CNTNAP2: variants seen among roughly 807,000 people sequenced by gnomAD.
CNTNAP2 encodes the protein contactin associated protein 2.
CNTNAP2 carries 98 observed loss-of-function variants against 155.2 expected under a neutral mutation model. The ratio of observed to expected loss-of-function variants is 0.63; its 90% CI spans 0.54 to 0.75. The LOEUF (loss-of-function observed/expected upper bound fraction) is 0.75. Among genes scored for constraint, CNTNAP2 ranks in the 30% least tolerant of loss-of-function variants. CNTNAP2 has a pLI of 0.00. For synonymous variants in CNTNAP2, 651 were observed against 631.2 expected (o/e 1.03, Z -0.47); for missense variants, 1,727 against 1,688.1 (o/e 1.02, Z -0.40).
At chr7:148,116,879 A>T (rs1804486003) in intron 15 of CNTNAP2, among the ~76,000 whole-genome samples, 2 of 152,226 alleles carry the variant, frequency 1.3e-5, no homozygotes, top group South Asian at 4.1e-4. Context: ...AAGATATAGC[A>T]AATACCGTGT....
At chr7:146,731,092 G>A (rs193110908) in intron 1 of CNTNAP2, among the ~76,000 whole-genome samples, 148 of 152,272 alleles carry the variant, frequency 9.7e-4, no homozygotes, top group African/African-American at 3.4e-3. Flanking sequence ...TGAGCATTGA[G>A]CAAGTTAAAT....
At chr7:147,984,615 GAAACATCC>G (rs1801585360) in intron 15 of CNTNAP2, among the ~76,000 whole-genome samples, 1 of 152,018 alleles carries the variant, frequency 6.6e-6, no homozygotes, top group African/African-American at 2.4e-5. Context: ...GGGGTCTAGG[GAAACATCC>G]CTATTGCCCT....
At chr7:146,534,129 G>A (rs1335162663) in intron 1 of CNTNAP2, among the ~76,000 whole-genome samples, 2 of 152,014 alleles carry the variant, frequency 1.3e-5, no homozygotes, top group African/African-American at 2.4e-5. Context: ...GCATTTGAAA[G>A]CCTTCTGATA....
At chr7:147,575,106 A>AAT (rs761989826) in intron 12 of CNTNAP2, among the ~76,000 whole-genome samples, 35,485 of 107,988 alleles carry the variant, frequency 0.33, 5,801 homozygotes, top group African/African-American at 0.4. Flanking sequence ...CTTTGTGGGA[A>AAT]ATGTGTGTGT....
chr7:146,602,645 TA>T (rs1299175058), intron 1 of CNTNAP2, among the ~76,000 whole-genome samples: 1 of 152,216 alleles, frequency 6.6e-6, no homozygotes, highest in Non-Finnish European at 1.5e-5. Context: ...TGATACTAGT[TA>T]AAATTAAATT....
chr7:146,425,110 A>G (rs541811669), intron 1 of CNTNAP2, among the ~76,000 whole-genome samples: 2 of 152,328 alleles, frequency 1.3e-5, no homozygotes, highest in South Asian at 4.1e-4. Flanking sequence ...ACTAACAAAC[A>G]AGAAACAGAA....
At chr7:146,998,902 T>C (rs555468451) in intron 3 of CNTNAP2, among the ~76,000 whole-genome samples, 522 of 152,064 alleles carry the variant, frequency 3.4e-3, no homozygotes, top group Admixed American at 8.6e-3. Flanking sequence ...TGTGAAACTG[T>C]CTCTTGTAGT....
chr7:146,245,434 A>T (rs1383792403), intron 1 of CNTNAP2, among the ~76,000 whole-genome samples: 1 of 152,166 alleles, frequency 6.6e-6, no homozygotes, highest in Non-Finnish European at 1.5e-5. Context: ...TGTGATTTTG[A>T]GGGCCTCTAA....
chr7:148,365,919 T>C lies in CNTNAP2; in HGVS notation c.3476-17730T>C, dbSNP rs372834142. On this transcript the variant is annotated intron_variant, in intron 21 of 23. Transcript: ENST00000361727. ...ATGCATGTATACATGCGTGTATGCA[T>C]GTATACATGCGTGTATGCATGTATA... Among the ~76,000 whole-genome samples the C allele has an allele frequency of 8.8e-4, 4 of 4,550 alleles. 2 individuals are homozygous for C. The highest frequency in any genetic ancestry group is 4.4e-3 in the Non-Finnish European group (4 of 904). The allele number at this position is 4,550 out of a possible 152,430, so 3.0% of individuals were successfully genotyped here. A position where few individuals can be genotyped will look rare whatever the true frequency, so the allele number is the denominator to read the frequency against.
intron 15 of CNTNAP2, among the ~76,000 whole-genome samples, chr7:148,112,485 A>G (rs991311011): frequency 1.3e-5 from 2 of 151,922 alleles, no homozygotes; most frequent in African/African-American, 2.4e-5. Context: ...CAGTGACATG[A>G]TCACAATTCA....
chr7:146,875,906 GCACACACACACACA>G (rs144916213), intron 3 of CNTNAP2, among the ~76,000 whole-genome samples: 1 of 92,852 alleles, frequency 1.1e-5, no homozygotes, highest in African/African-American at 4.5e-5. Flanking sequence ...ATACACACAC[GCACACACACACACA>G]CACACATACA....
chr7:146,302,189 A>G (rs899649691), intron 1 of CNTNAP2, among the ~76,000 whole-genome samples: 2 of 152,198 alleles, frequency 1.3e-5, no homozygotes, highest in Non-Finnish European at 2.9e-5. Context: ...GCTACATGAC[A>G]AAATGAAAGA....
chr7:147,282,408 A>G lies in CNTNAP2; in HGVS notation c.1349-17733A>G, dbSNP rs544418035. Among the ~76,000 whole-genome samples the G allele has an allele frequency of 2.7e-4, 41 of 152,090 alleles. 1 individual carries two copies. The highest frequency in any genetic ancestry group is 8.9e-4 in the African/African-American group (37 of 41,528). Reference sequence around the variant, plus strand: ...GAGCCATGGTTTGGATGACATCATCATCTCTCAAATATGTGAGAGCAGAGT... The same window carrying G: ...GAGCCATGGTTTGGATGACATCATCGTCTCTCAAATATGTGAGAGCAGAGT... On this transcript the variant is annotated intron_variant, in intron 8 of 23. Coordinates refer to ENST00000361727, the MANE Select transcript of CNTNAP2 (RefSeq NM_014141.6).
chr7:147,042,268 T>G (rs1447598034), intron 3 of CNTNAP2, among the ~76,000 whole-genome samples: 1 of 152,196 alleles, frequency 6.6e-6, no homozygotes, highest in African/African-American at 2.4e-5. Flanking sequence ...AACATCCCAA[T>G]TTTTAAAACA....
intron 13 of CNTNAP2, among the ~76,000 whole-genome samples, chr7:147,807,877 G>T (rs1310914757): frequency 6.6e-6 from 1 of 152,058 alleles, no homozygotes; most frequent in East Asian, 1.9e-4. Context: ...TGGGTTGCCA[G>T]ATATTTATCA....
At chr7:146,406,837 GCA>G (rs922668308) in intron 1 of CNTNAP2, among the ~76,000 whole-genome samples, 1 of 152,204 alleles carries the variant, frequency 6.6e-6, no homozygotes, top group African/African-American at 2.4e-5. Flanking sequence ...GGCTACACAT[GCA>G]TAGAATATGG....
intron 1 of CNTNAP2, among the ~76,000 whole-genome samples, chr7:146,390,448 G>GA (rs1489787303): frequency 2.0e-5 from 3 of 151,622 alleles, no homozygotes; most frequent in East Asian, 1.9e-4. Context: ...TAATCAGGAG[G>GA]AAAAAATCAG....
At chr7:146,805,948 C>T (rs10229442) in intron 2 of CNTNAP2, among the ~76,000 whole-genome samples, 28,209 of 152,024 alleles carry the variant, frequency 0.19, 8,270 homozygotes, top group African/African-American at 0.62. Flanking sequence ...CATGTTTTCA[C>T]AGTTTGAGGT....
At chr7:146,161,254 C>G (rs117638091) in intron 1 of CNTNAP2, among the ~76,000 whole-genome samples, 2 of 152,082 alleles carry the variant, frequency 1.3e-5, no homozygotes, top group African/African-American at 4.8e-5. Context: ...ATACTGAATG[C>G]GCAAAAACTT....
Sources: gnomAD v4.1 joint callset for allele counts (sites outside exome capture counted in the v4.1 genomes callset) on GRCh38, gnomAD v4.1.1 for gene constraint, MANE v1.5 for transcripts, NCBI Gene and HGNC (gene_info 2026-07-23, HGNC 2026-07-21) for gene names.